SPNS1: variants seen among roughly 807,000 people sequenced by gnomAD.
SPNS1 encodes protein spinster homolog 1.
SPNS1 carries 22 observed loss-of-function variants against 50.3 expected under a neutral mutation model. That is an observed-to-expected ratio of 0.44 (90% CI 0.31 to 0.62). SPNS1 has a LOEUF of 0.62. Ranked by LOEUF, SPNS1 falls within the 20% of genes least tolerant of loss-of-function variation. SPNS1 has a pLI of 0.07. For missense variants in SPNS1, 576 were observed against 728.6 expected, an observed-to-expected ratio of 0.79 and a Z score of 2.41; for synonymous variants, 295 against 317.4, an observed-to-expected ratio of 0.93 and a Z score of 0.75.
rs147450540 is a variant in SPNS1, at chr16:28,982,423, C to T, written c.1033C>T (p.Arg345Cys). The stretch of plus-strand genomic sequence containing the variant: ...TGTGGGCCTGGGTGTGGAGATCAGC[C>T]GCCGGCTCCGCCACTCCAACCCCCG... ...LGVGLGVEISRRLRHSNPRAD... is the reference protein window; with the variant it reads ...LGVGLGVEISCRLRHSNPRAD... The change falls in exon 8 of 12, where the codon CGC becomes TGC. Residue 345 changes from arginine (R) to cysteine (C), a missense_variant. Physicochemically the swap from Arg to Cys is radical, Grantham distance 180 (BLOSUM62 -3). Coordinates refer to ENST00000311008, the MANE Select transcript of SPNS1 (RefSeq NM_032038.3). 6.0e-5 allele frequency: 96 copies of T among 1,612,898 alleles called. No individual in the cohort carries two copies. Among genetic ancestry groups the T allele is most frequent in the Non-Finnish European group, 7.8e-5 (92 of 1,179,376 alleles).
chr16:28,982,613 C>T lies in SPNS1; in HGVS notation c.1155+68C>T, dbSNP rs1965593773. ...GGTGGAGGAGCAGTCAGCGTAATGG[C>T]CACTCGAGGTGGAATGCCTGGTTTT... On this transcript the variant is annotated intron_variant, in intron 8 of 11. Transcript: ENST00000311008. 25 of 1,496,716 alleles carry T rather than the reference C, an allele frequency of 1.7e-5. 1 individual carries two copies. The South Asian group carries it at 3.1e-4, about 19-fold the overall frequency. 92.7% of individuals were successfully genotyped at this position (1,496,716 alleles called of 1,614,324 possible).
rs935702601 is a variant in SPNS1 at position 28,981,100 on chromosome 16, G to T, written c.664-370G>T. 3.9e-5 allele frequency among the ~76,000 whole-genome samples: 6 copies of T among 152,194 alleles called. No homozygotes were observed. Among genetic ancestry groups the T allele is most frequent in the Admixed American group, 3.9e-4 (6 of 15,284 alleles). On this transcript the variant is annotated intron_variant, in intron 5 of 11. Coordinates refer to ENST00000311008, the MANE Select transcript of SPNS1 (RefSeq NM_032038.3). This position sits in a 1 kb window ranked among gnomAD's most constrained non-coding sequence, Gnocchi z 4.2. Reference sequence around the variant, plus strand: ...TTGGACCCTGGGGCCGTGTTTCCAGGATAGCGTCTGACTAGATGAACATGC... The same window carrying T: ...TTGGACCCTGGGGCCGTGTTTCCAGTATAGCGTCTGACTAGATGAACATGC...
chr16:28,975,622 C>T (rs1050334130), intron 2 of SPNS1, 65 bp downstream of exon 2: 8 of 1,572,716 alleles, frequency 5.1e-6, no homozygotes, highest in South Asian at 1.1e-5. Flanking sequence ...AGTGGGGCCA[C>T]GCGCTGGCCT....
In SPNS1 at chr16:28,984,324, C is replaced by T. The variant is rs1230346949; in HGVS notation, c.*25C>T. 2 of 1,605,750 alleles carry T rather than the reference C, an allele frequency of 1.2e-6. No homozygotes were observed. The highest frequency in any genetic ancestry group is 2.7e-5 in the African/African-American group (2 of 74,818). ...AGAGGCTGCCGCTCACCTACCTGCA[C>T]ATCTGCCACAGCTGGCCCTGGGCCC... On this transcript the variant is annotated 3_prime_UTR_variant, in exon 12 of 12. Coordinates refer to ENST00000311008, the MANE Select transcript of SPNS1 (RefSeq NM_032038.3).
At chr16:28,984,595 C>T (rs994547301), downstream of SPNS1, 41 of 611,422 alleles carry the variant, frequency 6.7e-5, no homozygotes, top group Admixed American at 7.6e-4. Context: ...TCTTGCACCC[C>T]GTCTTCACCC....
Position 28,981,374 on chromosome 16 carries a change from T to G in SPNS1, c.664-96T>G, listed in dbSNP as rs1037080738. On this transcript the variant is annotated intron_variant, in intron 5 of 11. Transcript: ENST00000311008. The surrounding 1 kb of genome is among the most constrained non-coding windows in gnomAD (Gnocchi z 4.2). ...CAGGCACTTAACTGGGTATTTTAGG[T>G]CTCAGGCTGGAGTTATCTGTACCCC... 1 of 1,499,644 alleles carries G rather than the reference T, an allele frequency of 6.7e-7. No homozygotes were observed. The highest frequency in any genetic ancestry group is 1.4e-5 in the African/African-American group (1 of 72,432). The allele number at this position is 1,499,644 out of a possible 1,614,324, so 92.9% of individuals were successfully genotyped here.
intron 1 of SPNS1, 46 bp from the exon 2 acceptor site, chr16:28,975,446 C>T: frequency 2.5e-6 from 4 of 1,614,228 alleles, no homozygotes; most frequent in African/African-American, 1.3e-5. Context: ...GCCAGGGTCC[C>T]GAGGGTGGCG....
At position 28,974,778 on chromosome 16, in the gene SPNS1, A is replaced by C. The variant is rs570914899; in HGVS notation, c.-374A>C. 207 of 1,535,172 alleles carry C rather than the reference A, an allele frequency of 1.3e-4. 1 individual carries two copies. Among genetic ancestry groups the C allele is most frequent in the Admixed American group, 3.9e-4 (20 of 50,924 alleles). On this transcript the variant is annotated 5_prime_UTR_variant, in exon 1 of 12. Transcript: ENST00000311008. ...CCCCTTCCACCCTGGCTCCCGCGTC[A>C]CATGACCGGCTTTAAGCAACATGGC... is the stretch of plus-strand genomic sequence containing the variant.
rs1965593970 is a variant in SPNS1, at chr16:28,982,616, C to T, written c.1155+71C>T. ...GGAGGAGCAGTCAGCGTAATGGCCA[C>T]TCGAGGTGGAATGCCTGGTTTTGAA... On this transcript the variant is annotated intron_variant, in intron 8 of 11. Coordinates refer to ENST00000311008, the MANE Select transcript of SPNS1 (RefSeq NM_032038.3). 4.0e-6 allele frequency: 6 copies of T among 1,491,396 alleles called. No homozygotes were observed. The South Asian group carries it at 7.5e-5, about 19-fold the overall frequency. The allele number at this position is 1,491,396 out of a possible 1,614,324, so 92.4% of individuals were successfully genotyped here. A position where few individuals can be genotyped will look rare whatever the true frequency, so the allele number is the denominator to read the frequency against.
chr16:28,974,941 C>A lies in SPNS1; in HGVS notation c.-211C>A. The A allele has an allele frequency of 6.7e-7, 1 of 1,493,952 alleles. No homozygotes were observed. The highest frequency in any genetic ancestry group is 1.4e-5 in the African/African-American group (1 of 72,166). 92.5% of individuals were successfully genotyped at this position (1,493,952 alleles called of 1,614,324 possible). The stretch of plus-strand genomic sequence containing the variant: ...CCGACATCACGTGTATTCCGCACGT[C>A]CCCTCCGCGCTGTGTGTCTACTGAG... On this transcript the variant is annotated 5_prime_UTR_variant, in exon 1 of 12. Coordinates refer to ENST00000311008, the MANE Select transcript of SPNS1 (RefSeq NM_032038.3).
chr16:28,980,601 C>T (rs1213204789), intron 5 of SPNS1: 4 of 151,946 alleles, frequency 2.6e-5, no homozygotes, highest in Admixed American at 6.6e-5. Context: ...CCTGTAATTC[C>T]AGCACTTTGG....
At chr16:28,980,300 T>C (rs1320267150) in intron 5 of SPNS1, 1 of 125,908 alleles carries the variant, frequency 7.9e-6, no homozygotes, top group Admixed American at 7.2e-5. Context: ...ACACACAAAA[T>C]TTTTTTTTTT....
In SPNS1 at chr16:28,979,173, C is replaced by T. The variant is rs1320363626; in HGVS notation, c.463C>T (p.Leu155=). Residue 155 remains leucine, a synonymous_variant, in exon 4 of 12, where the codon CTG becomes TTG. Transcript: ENST00000311008. The part of the protein sequence containing the change: ...IPGEHFWLLL[L]TRGLVGVGEA... ...TCCCCAGCATTTCTGGCTGCTCCTC[C>T]TGACCCGGGGCCTGGTGGGGGTCGG... 6 of 1,614,070 alleles carry T rather than the reference C, an allele frequency of 3.7e-6. No homozygotes were observed. The highest frequency in any genetic ancestry group is 5.1e-6 in the Non-Finnish European group (6 of 1,180,004).
chr16:28,976,105 G>C (rs1267219534), intron 2 of SPNS1, among the ~76,000 whole-genome samples: 1 of 152,024 alleles, frequency 6.6e-6, no homozygotes, highest in Non-Finnish European at 1.5e-5. Flanking sequence ...AACCCCATCT[G>C]TACTAAAAAT....
chr16:28,981,796 C>A lies in SPNS1; in HGVS notation c.810-105C>A. The A allele has an allele frequency of 6.6e-7, 1 of 1,525,802 alleles. No homozygotes were observed. Among genetic ancestry groups the A allele is most frequent in the Non-Finnish European group, 9.0e-7 (1 of 1,117,016 alleles). The allele number at this position is 1,525,802 out of a possible 1,614,324, so 94.5% of individuals were successfully genotyped here. On this transcript the variant is annotated intron_variant, in intron 6 of 11. Transcript: ENST00000311008. The surrounding 1 kb of genome is among the most constrained non-coding windows in gnomAD (Gnocchi z 4.2). The stretch of plus-strand genomic sequence containing the variant: ...CCTGGGAGCCAGAACCACCTCTGCA[C>A]GGTGTTGTGACCTTACTAAAATAAG...
Position 28,981,570 on chromosome 16 carries a change from T to C in SPNS1, c.764T>C (p.Leu255Pro). The C allele has an allele frequency of 6.2e-7, 1 of 1,614,128 alleles. No homozygotes were observed. Among genetic ancestry groups the C allele is most frequent in the Non-Finnish European group, 8.5e-7 (1 of 1,180,008 alleles). ...GAGCGCCACTCAGATTTGCCACCCC[T>C]GAACCCCACCTCGTGGTGGGCAGAT... ...AVERHSDLPP[L>P]NPTSWWADLR... is the part of the protein sequence containing the mutation. Residue 255 changes from leucine (L) to proline (P), a missense_variant, in exon 6 of 12, where the codon CTG (leucine) becomes CCG (proline). By Grantham distance (98) the Leu-to-Pro change is moderately conservative. Coordinates refer to ENST00000311008, the MANE Select transcript of SPNS1 (RefSeq NM_032038.3). The surrounding 1 kb of genome is among the most constrained non-coding windows in gnomAD (Gnocchi z 4.2).
intron 11 of SPNS1, 105 bp from the exon 12 acceptor site, chr16:28,984,100 G>A: frequency 7.0e-7 from 1 of 1,433,186 alleles, no homozygotes; most frequent in Non-Finnish European, 9.4e-7. Context: ...CACCCCTGGG[G>A]TGGCTCTGTG....
At chr16:28,977,576 A>G (rs1023855435) in intron 2 of SPNS1, among the ~76,000 whole-genome samples, 21 of 152,198 alleles carry the variant, frequency 1.4e-4, no homozygotes, top group African/African-American at 4.8e-4. Context: ...AAGGCTGGCC[A>G]TGAGTGTGGA....
chr16:28,979,702 C>T, intron 5 of SPNS1: 1 of 537,850 alleles, frequency 1.9e-6, no homozygotes, highest in Non-Finnish European at 3.3e-6. Flanking sequence ...AGGTGCCCGC[C>T]ACCATGCCTG....
Sources: gnomAD v4.1 joint callset for allele counts (sites outside exome capture counted in the v4.1 genomes callset) on GRCh38, gnomAD v4.1.1 for gene constraint, Gnocchi (gnomAD v3.1) non-coding constraint, MANE v1.5 for transcripts, NCBI Gene and HGNC (gene_info 2026-07-23, HGNC 2026-07-21) for gene names.